HIVEP1: variants seen among roughly 807,000 people sequenced by gnomAD.
HIVEP1 encodes HIVEP zinc finger 1.
Under a neutral mutation model 180.0 loss-of-function variants are expected in HIVEP1, and 36 were observed. The observed-to-expected ratio is 0.20, with a 90% CI of 0.15 to 0.26. The LOEUF (loss-of-function observed/expected upper bound fraction) is 0.26. Ranked by LOEUF, HIVEP1 falls within the 10% of genes least tolerant of loss-of-function variation. HIVEP1 has a pLI of 1.00. For missense variants in HIVEP1, 3,143 were observed against 3,268.7 expected, an observed-to-expected ratio of 0.96 and a Z score of 0.94; for synonymous variants, 1,239 against 1,239.0, an observed-to-expected ratio of 1.00 and a Z score of 0.00.
chr6:12,124,819 G>T lies in HIVEP1; in HGVS notation c.5024G>T (p.Ser1675Ile). 6.2e-7 allele frequency: 1 copy of T among 1,614,172 alleles called. No individual in the cohort carries two copies. The highest frequency in any genetic ancestry group is 8.5e-7 in the Non-Finnish European group (1 of 1,180,020). Residue 1675 changes from serine (S) to isoleucine (I), a missense_variant, in exon 4 of 9, where the codon AGT (serine) becomes ATT (isoleucine). Transcript: ENST00000379388. The stretch of plus-strand genomic sequence containing the variant: ...CAGCCAATTTGCCAGACTAATCATA[G>T]TGTAGTGCCAATCAGTGAAGAACAA... The part of the protein sequence containing the change: ...PNQPICQTNH[S>I]VVPISEEQNS...
chr6:12,185,628 GAATTAGAGAGTTCATTT>G, the HIVEP1 span, among the ~76,000 whole-genome samples: 1 of 152,226 alleles, frequency 6.6e-6, no homozygotes, highest in African/African-American at 2.4e-5. Context: ...CCAAAGACTT[GAATTAGAGAGTTCATTT>G]TAAAAAGGTA....
At chr6:12,119,227 A>G (rs114617507) in intron 3 of HIVEP1, among the ~76,000 whole-genome samples, 1,599 of 152,330 alleles carry the variant, frequency 0.01, 29 homozygotes, top group African/African-American at 0.036. Context: ...GGGTTGGTTA[A>G]TGATTGTTGG....
intron 2 of HIVEP1, among the ~76,000 whole-genome samples, chr6:12,062,623 C>T (rs181545728): frequency 3.9e-5 from 6 of 152,024 alleles, no homozygotes; most frequent in African/African-American, 7.2e-5. Flanking sequence ...AGCTACATGC[C>T]GAGTGCTACT....
chr6:12,048,446 A>G (rs921640700), intron 2 of HIVEP1, among the ~76,000 whole-genome samples: 2 of 152,224 alleles, frequency 1.3e-5, no homozygotes, highest in Non-Finnish European at 2.9e-5. Flanking sequence ...TCTCTCCAGC[A>G]ATTCTTGGCC....
At chr6:12,080,597 AAAG>A (rs1194665153) in intron 2 of HIVEP1, among the ~76,000 whole-genome samples, 1 of 152,196 alleles carries the variant, frequency 6.6e-6, no homozygotes, top group Admixed American at 6.5e-5. Flanking sequence ...TGGTTTTCAT[AAAG>A]AAGAAACAAC....
intron 2 of HIVEP1, among the ~76,000 whole-genome samples, chr6:12,058,759 C>G (rs2113744571): frequency 6.6e-6 from 1 of 152,248 alleles, no homozygotes; most frequent in African/African-American, 2.4e-5. Flanking sequence ...AACTAGACTC[C>G]TGGTCTCTTG....
At chr6:12,109,905 TAGTA>T (rs959264623) in intron 3 of HIVEP1, among the ~76,000 whole-genome samples, 2 of 152,254 alleles carry the variant, frequency 1.3e-5, no homozygotes, top group Non-Finnish European at 2.9e-5. Flanking sequence ...ATTTCTTAAA[TAGTA>T]AGCCTTGAAA....
chr6:12,047,992 C>T (rs891192690), intron 2 of HIVEP1, among the ~76,000 whole-genome samples: 3 of 152,234 alleles, frequency 2.0e-5, no homozygotes, highest in African/African-American at 7.2e-5. Context: ...TAGAGGCCCT[C>T]TGAATTTGTA....
At chr6:12,098,091 C>T (rs561145953) in intron 3 of HIVEP1, among the ~76,000 whole-genome samples, 28 of 152,290 alleles carry the variant, frequency 1.8e-4, no homozygotes, top group African/African-American at 6.3e-4. Flanking sequence ...TGATTTTATG[C>T]ATCCTTTAGC....
the HIVEP1 span, among the ~76,000 whole-genome samples, chr6:12,204,640 A>G: frequency 6.6e-6 from 1 of 152,204 alleles, no homozygotes; most frequent in African/African-American, 2.4e-5. Flanking sequence ...AGGCCTAGTA[A>G]TAGTCACCTA....
chr6:12,048,601 A>G (rs1770293004), intron 2 of HIVEP1, among the ~76,000 whole-genome samples: 1 of 152,216 alleles, frequency 6.6e-6, no homozygotes, highest in South Asian at 2.1e-4. Context: ...TACACTCTCT[A>G]ATTGAAAATT....
At chr6:12,071,179 T>A (rs1263971780) in intron 2 of HIVEP1, among the ~76,000 whole-genome samples, 1 of 152,210 alleles carries the variant, frequency 6.6e-6, no homozygotes, top group African/African-American at 2.4e-5. Flanking sequence ...CATTTCTGTT[T>A]CTTCATTTGT....
chr6:12,195,958 C>G, the HIVEP1 span, among the ~76,000 whole-genome samples: 2 of 152,178 alleles, frequency 1.3e-5, no homozygotes, highest in Non-Finnish European at 2.9e-5. Flanking sequence ...AAGCCCACTA[C>G]CATAAACACA....
At chr6:12,022,904 C>T (rs923493809) in intron 2 of HIVEP1, among the ~76,000 whole-genome samples, 6 of 152,196 alleles carry the variant, frequency 3.9e-5, no homozygotes, top group Non-Finnish European at 8.8e-5. Context: ...TACCAATGTG[C>T]TGCTCCCTCC....
chr6:12,051,299 C>T (rs1403761131), intron 2 of HIVEP1, among the ~76,000 whole-genome samples: 2 of 151,522 alleles, frequency 1.3e-5, no homozygotes, highest in African/African-American at 4.8e-5. Context: ...ATGCTACCAC[C>T]TTATAAATGC....
intron 2 of HIVEP1, among the ~76,000 whole-genome samples, chr6:12,086,097 A>G (rs1773098954): frequency 6.6e-6 from 1 of 152,126 alleles, no homozygotes; most frequent in Admixed American, 6.6e-5. Context: ...TTAATAGTAT[A>G]CATTTTTAAT....
chr6:12,123,399 C>T lies in HIVEP1; in HGVS notation c.3604C>T (p.Leu1202Phe), dbSNP rs770792144. 6.2e-7 allele frequency: 1 copy of T among 1,614,152 alleles called. No homozygotes were observed. Among genetic ancestry groups the T allele is most frequent in the Non-Finnish European group, 8.5e-7 (1 of 1,180,040 alleles). Reference protein sequence around the residue: ...HPHQLALSDALRGELQESSRK... With the variant: ...HPHQLALSDAFRGELQESSRK... ...TCACCAGCTTGCACTATCAGACGCT[C>T]TCAGAGGAGAACTTCAGGAAAGCTC... The change falls in exon 4 of 9, where the codon CTC becomes TTC. Residue 1202 changes from leucine to phenylalanine, a missense_variant. Leu to Phe is a conservative substitution (Grantham distance 22, BLOSUM62 0). Transcript: ENST00000379388.
At chr6:12,145,372 G>A (rs1333229125) in intron 7 of HIVEP1, among the ~76,000 whole-genome samples, 2 of 152,032 alleles carry the variant, frequency 1.3e-5, no homozygotes, top group African/African-American at 2.4e-5. Flanking sequence ...CTGTCATGGG[G>A]TGGGGGCCTG....
intron 2 of HIVEP1, among the ~76,000 whole-genome samples, chr6:12,024,215 G>C (rs1256022558): frequency 2.0e-5 from 3 of 150,720 alleles, no homozygotes; most frequent in African/African-American, 7.3e-5. Context: ...TGAGGCTTTA[G>C]GCTTACATTT....
Sources: gnomAD v4.1 joint callset for allele counts (sites outside exome capture counted in the v4.1 genomes callset) on GRCh38, gnomAD v4.1.1 for gene constraint, MANE v1.5 for transcripts, NCBI Gene and HGNC (gene_info 2026-07-23, HGNC 2026-07-21) for gene names.